SLC24A3: variants seen among roughly 807,000 people sequenced by gnomAD.
The protein encoded by SLC24A3 is sodium/potassium/calcium exchanger 3.
Under a neutral mutation model 75.8 loss-of-function variants are expected in SLC24A3, and 28 were observed. That is an observed-to-expected ratio of 0.37 (90% CI 0.27 to 0.51). SLC24A3 has a LOEUF of 0.51. Ranked by LOEUF, SLC24A3 falls within the 20% of genes least tolerant of loss-of-function variation. The pLI is 0.94. For missense variants in SLC24A3, 663 were observed against 847.8 expected, an observed-to-expected ratio of 0.78 and a Z score of 2.71; for synonymous variants, 372 against 334.1, an observed-to-expected ratio of 1.11 and a Z score of -1.24.
intron 14 of SLC24A3, among the ~76,000 whole-genome samples, chr20:19,697,909 C>T (rs981946571): frequency 1.3e-5 from 2 of 152,080 alleles, no homozygotes; most frequent in Non-Finnish European, 2.9e-5. Flanking sequence ...TGTATTAGTG[C>T]GTCTCACATT....
intron 2 of SLC24A3, among the ~76,000 whole-genome samples, chr20:19,484,420 A>T (rs1004439445): frequency 2.6e-5 from 4 of 152,194 alleles, no homozygotes; most frequent in Non-Finnish European, 5.9e-5. Context: ...GACACAAAAA[A>T]TTTTAGATTT....
intron 2 of SLC24A3, among the ~76,000 whole-genome samples, chr20:19,354,755 A>G (rs1985646040): frequency 6.6e-6 from 1 of 152,062 alleles, no homozygotes; most frequent in Non-Finnish European, 1.5e-5. Flanking sequence ...TTAAGTTTAA[A>G]AGTTGACAAT....
chr20:19,721,310 C>A lies in SLC24A3; in HGVS notation c.*170C>A. 1 of 706,138 alleles carries A rather than the reference C, an allele frequency of 1.4e-6. No homozygotes were observed. Among genetic ancestry groups the A allele is most frequent in the Non-Finnish European group, 2.3e-6 (1 of 443,640 alleles). 43.7% of individuals were successfully genotyped at this position (706,138 alleles called of 1,614,324 possible). A position where few individuals can be genotyped will look rare whatever the true frequency, so the allele number is the denominator to read the frequency against. ...CAGGCTCTCCCCTGACCCATCCTCG[C>A]TCCCCCACCTCCTTGGGTCATGCCC... On this transcript the variant is annotated 3_prime_UTR_variant, in exon 17 of 17. Transcript: ENST00000328041.
intron 6 of SLC24A3, among the ~76,000 whole-genome samples, chr20:19,586,904 A>T (rs2031305066): frequency 6.6e-6 from 1 of 152,192 alleles, no homozygotes; most frequent in South Asian, 2.1e-4. Context: ...CTCATGTCTT[A>T]GATTTTGTGT....
At chr20:19,458,127 T>C (rs1324005489) in intron 2 of SLC24A3, among the ~76,000 whole-genome samples, 2 of 152,102 alleles carry the variant, frequency 1.3e-5, no homozygotes, top group African/African-American at 4.8e-5. Context: ...TGAGAATGTG[T>C]TCTGGACTTA....
intron 2 of SLC24A3, among the ~76,000 whole-genome samples, chr20:19,289,875 G>C (rs903837845): frequency 3.9e-5 from 6 of 152,116 alleles, no homozygotes; most frequent in Non-Finnish European, 7.4e-5. Context: ...AGACATGAGG[G>C]GCACCTCCAG....
At chr20:19,224,214 A>T (rs1981814590) in intron 1 of SLC24A3, among the ~76,000 whole-genome samples, 1 of 152,080 alleles carries the variant, frequency 6.6e-6, no homozygotes, top group South Asian at 2.1e-4. Flanking sequence ...CACATTCAAG[A>T]TACTGTACAG....
chr20:19,563,336 A>G (rs2030906017), intron 3 of SLC24A3, among the ~76,000 whole-genome samples: 2 of 152,202 alleles, frequency 1.3e-5, no homozygotes, highest in South Asian at 2.1e-4. Context: ...TAAAACTTCA[A>G]ATACACCCAC....
At chr20:19,450,914 A>G (rs537106869) in intron 2 of SLC24A3, among the ~76,000 whole-genome samples, 2 of 152,264 alleles carry the variant, frequency 1.3e-5, no homozygotes, top group Admixed American at 6.5e-5. Context: ...CAGAAGAATC[A>G]CTTGAACCTG....
intron 3 of SLC24A3, among the ~76,000 whole-genome samples, chr20:19,521,525 G>A (rs1208299110): frequency 6.6e-6 from 1 of 151,986 alleles, no homozygotes; most frequent in African/African-American, 2.4e-5. Flanking sequence ...GCATGAGGCT[G>A]GGACACCTCC....
intron 6 of SLC24A3, among the ~76,000 whole-genome samples, chr20:19,643,607 T>C (rs1436736363): frequency 6.6e-6 from 1 of 152,256 alleles, no homozygotes; most frequent in Non-Finnish European, 1.5e-5. Flanking sequence ...TGCATTCTGA[T>C]AATATTATAG....
intron 2 of SLC24A3, among the ~76,000 whole-genome samples, chr20:19,320,949 A>T (rs1984692983): frequency 6.6e-6 from 1 of 152,270 alleles, no homozygotes; most frequent in Non-Finnish European, 1.5e-5. Flanking sequence ...GTACATGTAC[A>T]CACACATATA....
At chr20:19,389,004 G>C (rs74351523) in intron 2 of SLC24A3, among the ~76,000 whole-genome samples, 1,523 of 151,250 alleles carry the variant, frequency 0.01, 24 homozygotes, top group African/African-American at 0.034. Flanking sequence ...TTTATCTTTT[G>C]TGATTTATCT....
intron 3 of SLC24A3, among the ~76,000 whole-genome samples, chr20:19,567,531 G>T (rs1248533000): frequency 6.6e-6 from 1 of 152,188 alleles, no homozygotes; most frequent in East Asian, 1.9e-4. Context: ...GGAAGGTGAG[G>T]ATTGAAAAAC....
At chr20:19,624,090 T>C (rs2031838665) in intron 6 of SLC24A3, among the ~76,000 whole-genome samples, 1 of 152,224 alleles carries the variant, frequency 6.6e-6, no homozygotes, top group Non-Finnish European at 1.5e-5. Context: ...CCTATTACTA[T>C]ACTTTGCTTC....
chr20:19,513,464 A>G (rs550117610), intron 2 of SLC24A3, among the ~76,000 whole-genome samples: 2 of 152,304 alleles, frequency 1.3e-5, no homozygotes, highest in African/African-American at 2.4e-5. Context: ...TGCTCAATAA[A>G]TGCTCACTGT....
intron 2 of SLC24A3, among the ~76,000 whole-genome samples, chr20:19,342,728 G>A (rs985693864): frequency 3.9e-5 from 6 of 152,138 alleles, no homozygotes; most frequent in African/African-American, 4.8e-5. Context: ...GTGGCTTGAC[G>A]GAAGAGATAA....
intron 2 of SLC24A3, among the ~76,000 whole-genome samples, chr20:19,370,124 A>T (rs16980432): frequency 6.6e-6 from 1 of 152,172 alleles, no homozygotes; most frequent in Non-Finnish European, 1.5e-5. Flanking sequence ...AAAAAAAAAG[A>T]TAATTCCAAA....
At chr20:19,713,108 G>A (rs980504647) in intron 15 of SLC24A3, among the ~76,000 whole-genome samples, 3 of 152,204 alleles carry the variant, frequency 2.0e-5, no homozygotes, top group African/African-American at 7.2e-5. Flanking sequence ...ATGTAAAATG[G>A]CATCTAAGAA....
Sources: gnomAD v4.1 joint callset for allele counts (sites outside exome capture counted in the v4.1 genomes callset) on GRCh38, gnomAD v4.1.1 for gene constraint, MANE v1.5 for transcripts, NCBI Gene and HGNC (gene_info 2026-07-23, HGNC 2026-07-21) for gene names.